The following GRIPAP1 variants were observed in gnomAD, a reference collection of about 807,000 sequenced individuals.
The protein encoded by GRIPAP1 is GRIP1-associated protein 1.
A neutral mutation model predicts 84.1 loss-of-function variants in GRIPAP1; 14 were observed. The ratio of observed to expected loss-of-function variants is 0.17; its 90% CI spans 0.11 to 0.26. The LOEUF (loss-of-function observed/expected upper bound fraction) is 0.26, where lower values mean the gene tolerates loss of function less well. GRIPAP1 is among the 10% of genes least tolerant of loss of function. GRIPAP1 has a pLI of 1.00. For synonymous variants in GRIPAP1, 261 were observed against 256.8 expected (o/e 1.02, Z -0.15); for missense variants, 518 against 674.2 (o/e 0.77, Z 2.57).
In GRIPAP1 at chrX:49,002,241, C is replaced by T. The variant is rs374710087; in HGVS notation, c.-12G>A. The T allele has an allele frequency of 2.7e-6, 3 of 1,108,391 alleles. No individual in the cohort carries two copies. Among genetic ancestry groups the T allele is most frequent in the Admixed American group, 2.3e-5 (1 of 42,627 alleles). 91.3% of individuals were successfully genotyped at this position (1,108,391 alleles called of 1,213,427 possible). A position where few individuals can be genotyped will look rare whatever the true frequency, so the allele number is the denominator to read the frequency against. On this transcript the variant is annotated 5_prime_UTR_variant, in exon 1 of 26. Coordinates refer to ENST00000376423, the MANE Select transcript of GRIPAP1 (RefSeq NM_020137.5). ...AGAGCTTGCGCCATGTTCCTCCCCC[C>T]ACCCCCCCGCCAGCTTTCTGCGCAG...
intron 22 of GRIPAP1, chrX:48,977,729 G>A (rs1451073389): frequency 1.8e-5 from 2 of 108,881 alleles, no homozygotes; most frequent in African/African-American, 6.7e-5. Context: ...TAGAGTCGGA[G>A]TTTTACCACG....
intron 13 of GRIPAP1, among the ~76,000 whole-genome samples, chrX:48,986,746 G>A (rs891882003): frequency 1.8e-5 from 2 of 112,071 alleles, no homozygotes; most frequent in Non-Finnish European, 3.8e-5. Context: ...GGCTAGGCTG[G>A]TCTCAAACTC....
chrX:48,987,236 C>T (rs1247404718), intron 13 of GRIPAP1, among the ~76,000 whole-genome samples: 1 of 104,426 alleles, frequency 9.6e-6, no homozygotes, highest in Non-Finnish European at 2.0e-5. Context: ...GCAACCTCCG[C>T]CTCCTGGGTT....
intron 24 of GRIPAP1, 172 bp from the exon 25 acceptor site, chrX:48,975,481 C>T (rs1442442392): frequency 1.2e-5 from 5 of 425,089 alleles, no homozygotes; most frequent in Non-Finnish European, 2.0e-5. Flanking sequence ...CTCACTAGCT[C>T]TATGGCCCCG....
At chrX:49,001,117 GC>G (rs1289678716) in intron 1 of GRIPAP1, among the ~76,000 whole-genome samples, 1 of 110,884 alleles carries the variant, frequency 9.0e-6, no homozygotes, top group Non-Finnish European at 1.9e-5. Flanking sequence ...ATTGGGAATG[GC>G]CCTACACCCT....
Position 48,997,301 on chromosome X carries a change from C to T in GRIPAP1, c.255G>A (p.Gln85=). ...NEMLQAKLHS[Q]EEDFRLQNST... The stretch of plus-strand genomic sequence containing the variant: ...TGTTCTGCAAACGGAAGTCCTCCTC[C>T]TGGCTGTGCAGCTTTGCCTGCAGCA... Residue 85 remains glutamine (Q), a synonymous_variant, in exon 5 of 26, where the codon CAG becomes CAA. Coordinates refer to ENST00000376423, the MANE Select transcript of GRIPAP1 (RefSeq NM_020137.5). 1 of 1,189,720 alleles carries T rather than the reference C, an allele frequency of 8.4e-7. No individual in the cohort carries two copies.
chrX:48,984,147 G>C (rs1185627233), intron 14 of GRIPAP1, among the ~76,000 whole-genome samples: 1 of 111,639 alleles, frequency 9.0e-6, no homozygotes, highest in Non-Finnish European at 1.9e-5. Flanking sequence ...ATTTATTTCT[G>C]TATGTGGAAG....
Position 48,989,866 on chromosome X carries a change from T to G in GRIPAP1, c.739A>C (p.Thr247Pro). The stretch of plus-strand genomic sequence containing the variant: ...TCATTAAACAGAGTCTCCTTTTCTG[T>G]CTGCAGACGGCAAAAACTGGGCACA... ...KKQESFCRLQ[T>P]EKETLFNDSR... The change falls in exon 10 of 26, where the codon ACA (threonine) becomes CCA (proline). Residue 247 changes from threonine to proline, a missense_variant. Physicochemically the swap from Thr to Pro is conservative, Grantham distance 38. This residue lies in a region of GRIPAP1 where 372 missense variants were observed against 458.1 expected (regional missense o/e 0.81). Coordinates refer to ENST00000376423, the MANE Select transcript of GRIPAP1 (RefSeq NM_020137.5). 8.3e-7 allele frequency: 1 copy of G among 1,210,591 alleles called. No individual in the cohort carries two copies. The highest frequency in any genetic ancestry group is 1.8e-5 in the South Asian group (1 of 56,962).
Position 48,998,182 on chromosome X carries a change from T to A in GRIPAP1, c.172-2A>T. 8.4e-7 allele frequency: 1 copy of A among 1,187,056 alleles called. No individual in the cohort carries two copies. The highest frequency in any genetic ancestry group is 1.1e-6 in the Non-Finnish European group (1 of 875,536). On this transcript the variant is annotated splice_acceptor_variant, in intron 3 of 25. Coordinates refer to ENST00000376423, the MANE Select transcript of GRIPAP1 (RefSeq NM_020137.5). LOFTEE classifies it high-confidence loss of function. ...AGCTTTCTTGCTCTTGCTCAGTGCC[T>A]AAAGTGGGGGTGGGTGGGAAGAGAG...
Position 48,981,210 on chromosome X carries a change from C to G in GRIPAP1, c.1930+5G>C. 1 of 1,200,054 alleles carries G rather than the reference C, an allele frequency of 8.3e-7. No individual in the cohort carries two copies. The highest frequency in any genetic ancestry group is 1.1e-6 in the Non-Finnish European group (1 of 886,588). ...CAGCCTCCTCTCCCTGTCCTAGTCC[C>G]TCACCTGAGCGGCTCTTGCTGTTAG... On this transcript the variant is annotated splice_donor_5th_base_variant and intron_variant, in intron 21 of 25. Transcript: ENST00000376423.
chrX:48,995,548 A>G (rs1453045438), intron 5 of GRIPAP1, among the ~76,000 whole-genome samples: 1 of 111,858 alleles, frequency 8.9e-6, no homozygotes, highest in African/African-American at 3.2e-5. Context: ...ACAGCAGATG[A>G]TAAGTGGTAG....
In GRIPAP1 at chrX:48,981,828, C is replaced by T. The variant is rs1557062335; in HGVS notation, c.1644G>A (p.Lys548=). The T allele has an allele frequency of 6.0e-6, 7 of 1,173,835 alleles. No homozygotes were observed. The highest frequency in any genetic ancestry group is 8.0e-6 in the Non-Finnish European group (7 of 875,447). The change falls in exon 18 of 26, where the codon AAG becomes AAA. Residue 548 remains lysine, a synonymous_variant. Coordinates refer to ENST00000376423, the MANE Select transcript of GRIPAP1 (RefSeq NM_020137.5). The part of the protein sequence containing the change: ...QQQQEQEEAL[K]QCREQHAAEL... Reference sequence around the variant, plus strand: ...CGGCAGCGTGCTGCTCCCGACACTGCTTGAGGGCTTCCTCTTGTTCCTGCT... The same window carrying T: ...CGGCAGCGTGCTGCTCCCGACACTGTTTGAGGGCTTCCTCTTGTTCCTGCT...
At position 48,998,242 on chromosome X, in the gene GRIPAP1, T is replaced by A. The variant is rs782645898; in HGVS notation, c.172-62A>T. The stretch of plus-strand genomic sequence containing the variant: ...ACAGAGATGGACTGCCTTACTAGGA[T>A]ATGGAGACAATTGTGCCAAGCGTTT... On this transcript the variant is annotated intron_variant, in intron 3 of 25. Transcript: ENST00000376423. 216 of 840,448 alleles carry A rather than the reference T, an allele frequency of 2.6e-4. 1 individual carries two copies. In the East Asian group the frequency reaches 6.7e-3, roughly 26 times the overall value. 69.3% of individuals were successfully genotyped at this position (840,448 alleles called of 1,213,427 possible). A position where few individuals can be genotyped will look rare whatever the true frequency, so the allele number is the denominator to read the frequency against.
At chrX:48,980,874 ACT>A (rs1332394270) in intron 21 of GRIPAP1, 1 of 189,236 alleles carries the variant, frequency 5.3e-6, no homozygotes, top group Non-Finnish European at 9.0e-6. Flanking sequence ...CAAGAGCGAA[ACT>A]CTGTCTCAAA....
chrX:49,001,950 C>G (rs1431003057), intron 1 of GRIPAP1, among the ~76,000 whole-genome samples: 1 of 110,879 alleles, frequency 9.0e-6, no homozygotes, highest in Non-Finnish European at 1.9e-5. Context: ...AGTAAGGTAC[C>G]GCCTACTTAA....
chrX:48,997,509 G>A, intron 4 of GRIPAP1, 152 bp from the exon 5 acceptor site: 1 of 440,850 alleles, frequency 2.3e-6, no homozygotes, highest in South Asian at 3.3e-5. Context: ...ACATGGGGAG[G>A]GATAAAATGA....
intron 4 of GRIPAP1, 116 bp downstream of exon 4, chrX:48,998,038 G>A (rs1557067293): frequency 1.2e-5 from 7 of 576,398 alleles, no homozygotes. Context: ...CAGTGAGGTA[G>A]TAGCAGATGT....
intron 17 of GRIPAP1, 56 bp downstream of exon 17, chrX:48,982,923 G>T: frequency 1.3e-6 from 1 of 781,308 alleles, no homozygotes; most frequent in Non-Finnish European, 2.0e-6. Flanking sequence ...TGCTTCTGTG[G>T]TTTGACATGA....
At chrX:48,995,483 T>C (rs189261191) in intron 5 of GRIPAP1, among the ~76,000 whole-genome samples, 1 of 111,758 alleles carries the variant, frequency 8.9e-6, no homozygotes, top group African/African-American at 3.2e-5. Context: ...GCCTCTGTGG[T>C]GTGAACTAAG....
Sources: allele counts gnomAD v4.1 joint callset (sites outside exome capture counted in the v4.1 genomes callset), GRCh38; gene constraint gnomAD v4.1.1; regional missense constraint gnomAD v4.1.1; transcripts MANE v1.5; gene names NCBI Gene and HGNC (gene_info 2026-07-23, HGNC 2026-07-21).